SFI1: variants seen among roughly 807,000 people sequenced by gnomAD.
SFI1 encodes SFI1 centrin binding protein.
Under a neutral mutation model 207.5 loss-of-function variants are expected in SFI1, and 195 were observed. The ratio of observed to expected loss-of-function variants is 0.94; its 90% CI spans 0.84 to 1.06. The LOEUF (loss-of-function observed/expected upper bound fraction) is 1.06, where lower values mean the gene tolerates loss of function less well. SFI1 is among the 50% of genes least tolerant of loss of function. SFI1 has a pLI of 0.00. For missense variants in SFI1, 1,634 were observed against 1,588.0 expected (o/e 1.03, Z -0.49); for synonymous variants, 630 against 598.9 (o/e 1.05, Z -0.76).
At chr22:31,515,357 T>C (rs569104328) in intron 2 of SFI1, among the ~76,000 whole-genome samples, 25 of 151,602 alleles carry the variant, frequency 1.6e-4, no homozygotes, top group Non-Finnish European at 3.1e-4. Flanking sequence ...TTTTTCTTTT[T>C]CTTTTTTTTG....
chr22:31,612,390 AAAAAAAAAATATATATAT>A (rs2070374535), intron 24 of SFI1: 1 of 108,014 alleles, frequency 9.3e-6, no homozygotes, highest in Non-Finnish European at 1.9e-5. Context: ...AAAAAAAAAA[AAAAAAAAAATATATATAT>A]ATATATATAT....
intron 23 of SFI1, 66 bp downstream of exon 23, chr22:31,611,369 C>G (rs1247427287): frequency 2.7e-6 from 4 of 1,502,210 alleles, no homozygotes; most frequent in Non-Finnish European, 3.6e-6. Flanking sequence ...GGCCAGGAGA[C>G]CATTTCTCAG....
intron 8 of SFI1, among the ~76,000 whole-genome samples, chr22:31,567,664 G>A (rs1380431940): frequency 6.6e-6 from 1 of 152,150 alleles, no homozygotes; most frequent in African/African-American, 2.4e-5. Context: ...CCTATAGGAG[G>A]AGGGAGAGAA....
At chr22:31,557,632 G>C (rs914748287) in intron 7 of SFI1, among the ~76,000 whole-genome samples, 2 of 152,170 alleles carry the variant, frequency 1.3e-5, no homozygotes, top group Non-Finnish European at 2.9e-5. Flanking sequence ...AAGTTTGTGT[G>C]TGCATGTGTT....
At chr22:31,608,367 C>T (rs1302827743) in intron 22 of SFI1, among the ~76,000 whole-genome samples, 1 of 152,148 alleles carries the variant, frequency 6.6e-6, no homozygotes. Flanking sequence ...CCCATCTTGA[C>T]ATATCGTTCC....
intron 1 of SFI1, among the ~76,000 whole-genome samples, chr22:31,507,806 G>A (rs748292149): frequency 6.6e-6 from 1 of 152,144 alleles, no homozygotes; most frequent in Non-Finnish European, 1.5e-5. Flanking sequence ...TGGGTGTGGT[G>A]GCTCACCACT....
chr22:31,617,366 ACT>A (rs1603380874), intron 31 of SFI1, among the ~76,000 whole-genome samples: 2 of 151,832 alleles, frequency 1.3e-5, no homozygotes, highest in Non-Finnish European at 2.9e-5. Context: ...GTTGAGCAAA[ACT>A]CTAAAAACCC....
intron 7 of SFI1, among the ~76,000 whole-genome samples, chr22:31,561,006 A>G (rs2148271709): frequency 6.6e-6 from 1 of 152,288 alleles, no homozygotes; most frequent in South Asian, 2.1e-4. Flanking sequence ...CCAGGCCATA[A>G]CATATCTTTT....
At chr22:31,568,142 A>G (rs1569332762) in intron 8 of SFI1, among the ~76,000 whole-genome samples, 1 of 129,282 alleles carries the variant, frequency 7.7e-6, no homozygotes, top group East Asian at 2.3e-4. Flanking sequence ...ATCAATATGG[A>G]CTCTCTCTCT....
intron 2 of SFI1, among the ~76,000 whole-genome samples, chr22:31,523,459 G>A (rs1569208977): frequency 6.6e-6 from 1 of 152,120 alleles, no homozygotes; most frequent in Admixed American, 6.6e-5. Flanking sequence ...TATGTATTGT[G>A]GTTCCATAAA....
Position 31,611,398 on chromosome 22 carries a change from A to G in SFI1, c.2415+95A>G, listed in dbSNP as rs2070110411. ...TTCTCAGGAAGGGGTCTTTCCTGACAGCACTCCATGCAGCCGGTATGAGTG... is the reference window on the plus strand; with the variant it reads ...TTCTCAGGAAGGGGTCTTTCCTGACGGCACTCCATGCAGCCGGTATGAGTG... On this transcript the variant is annotated intron_variant, in intron 23 of 32. Coordinates refer to ENST00000400288, the MANE Select transcript of SFI1 (RefSeq NM_001007467.3). 10 of 1,405,792 alleles carry G rather than the reference A, an allele frequency of 7.1e-6. 1 individual carries two copies. The Admixed American group carries it at 1.3e-4, about 18-fold the overall frequency. The allele number at this position is 1,405,792 out of a possible 1,614,324, so 87.1% of individuals were successfully genotyped here.
rs555508830 is a variant in SFI1, at chr22:31,587,150, A to G, written c.1413+2016A>G. ...AGTTGTGTCTGTACTGAACATATTC[A>G]GACCTTTTTTTCTTGTCATTAGCCC... On this transcript the variant is annotated intron_variant, in intron 14 of 32. Coordinates refer to ENST00000400288, the MANE Select transcript of SFI1 (RefSeq NM_001007467.3). Among the ~76,000 whole-genome samples the G allele has an allele frequency of 7.2e-5, 11 of 152,320 alleles. 1 individual carries two copies. In the South Asian group the frequency reaches 2.1e-3, roughly 29 times the overall value.
Position 31,615,060 on chromosome 22 carries a change from A to C in SFI1, c.3081A>C (p.Pro1027=), listed in dbSNP as rs1241954696. The stretch of plus-strand genomic sequence containing the variant: ...TCCCTGTGCTCAGGCCTCAGAAGCC[A>C]CAGGAACATGGCCTAGGCATGGCTC... ...EPAQSQRPQK[P]QEHGLGMAQP... The change falls in exon 29 of 33, where the codon CCA becomes CCC. Residue 1027 remains proline (P), a synonymous_variant. Coordinates refer to ENST00000400288, the MANE Select transcript of SFI1 (RefSeq NM_001007467.3). 1.9e-6 allele frequency: 3 copies of C among 1,610,918 alleles called. No individual in the cohort carries two copies. Among genetic ancestry groups the C allele is most frequent in the East Asian group, 2.2e-5 (1 of 44,854 alleles).
intron 15 of SFI1, among the ~76,000 whole-genome samples, 190 bp from the exon 16 acceptor site, chr22:31,602,022 C>G (rs1000141454): frequency 6.6e-6 from 1 of 151,976 alleles, no homozygotes; most frequent in Non-Finnish European, 1.5e-5. Flanking sequence ...TGGCCTCCAG[C>G]GATCCTCCTG....
At chr22:31,572,837 T>C in intron 8 of SFI1, 1 of 411,516 alleles carries the variant, frequency 2.4e-6, no homozygotes, top group Admixed American at 3.8e-5. Flanking sequence ...TTCTTCTTTT[T>C]TTTAATCCAG....
At chr22:31,502,051 C>G (rs904810052) in intron 1 of SFI1, among the ~76,000 whole-genome samples, 3 of 152,178 alleles carry the variant, frequency 2.0e-5, no homozygotes, top group African/African-American at 7.2e-5. Flanking sequence ...TCTAGCCAAC[C>G]TTGACCCTGA....
chr22:31,539,999 G>T (rs2059329780), intron 4 of SFI1, among the ~76,000 whole-genome samples: 1 of 151,996 alleles, frequency 6.6e-6, no homozygotes, highest in Non-Finnish European at 1.5e-5. Flanking sequence ...TTACAGGTGT[G>T]AGCCACCACA....
rs540048121 is a variant in SFI1 at position 31,551,622 on chromosome 22, G to C, written c.544+1274G>C. Among the ~76,000 whole-genome samples, 5 of 152,238 alleles carry C rather than the reference G, an allele frequency of 3.3e-5. No individual in the cohort carries two copies. In the East Asian group the frequency reaches 9.7e-4, roughly 29 times the overall value. ...ATTTTTGTATTTTTGGTAGAGATGGGCTTTTGCCATGTTGCCCAGGCTGGT... is the reference window on the plus strand; with the variant it reads ...ATTTTTGTATTTTTGGTAGAGATGGCCTTTTGCCATGTTGCCCAGGCTGGT... On this transcript the variant is annotated intron_variant, in intron 6 of 32. Coordinates refer to ENST00000400288, the MANE Select transcript of SFI1 (RefSeq NM_001007467.3).
chr22:31,593,211 C>T (rs1182700886), intron 15 of SFI1, among the ~76,000 whole-genome samples: 7 of 151,030 alleles, frequency 4.6e-5, no homozygotes, highest in Admixed American at 2.6e-4. Context: ...GGGCGGCTGC[C>T]GGGCGGAGGG....
Sources: allele counts gnomAD v4.1 joint callset (sites outside exome capture counted in the v4.1 genomes callset), GRCh38; gene constraint gnomAD v4.1.1; transcripts MANE v1.5; gene names NCBI Gene and HGNC (gene_info 2026-07-23, HGNC 2026-07-21).